Variants in SUGCT observed in about 807,000 individuals in gnomAD.
SUGCT encodes the protein succinyl-CoA:glutarate-CoA transferase.
Under a neutral mutation model 55.0 loss-of-function variants are expected in SUGCT, and 41 were observed. The ratio of observed to expected loss-of-function variants is 0.74; its 90% CI spans 0.58 to 0.97. The LOEUF (loss-of-function observed/expected upper bound fraction) is 0.97. SUGCT is among the 50% of genes least tolerant of loss of function. SUGCT has a pLI of 0.00. For synonymous variants in SUGCT, 187 were observed against 200.4 expected (o/e 0.93, Z 0.56); for missense variants, 568 against 547.8 (o/e 1.04, Z -0.37).
At chr7:41,005,137 G>A in the SUGCT span, among the ~76,000 whole-genome samples, 1 of 152,058 alleles carries the variant, frequency 6.6e-6, no homozygotes, top group Admixed American at 6.6e-5. Context: ...GAGTCATCTG[G>A]TGCCTAGAAT....
At chr7:40,598,644 T>G (rs1480498783) in intron 12 of SUGCT, among the ~76,000 whole-genome samples, 2 of 152,160 alleles carry the variant, frequency 1.3e-5, no homozygotes, top group African/African-American at 2.4e-5. Context: ...TGATGGGACA[T>G]CAACATCTGT....
At position 40,459,212 on chromosome 7, in the gene SUGCT, T is replaced by C. The variant is rs771222910; in HGVS notation, c.986+14T>C. The stretch of plus-strand genomic sequence containing the variant: ...ATTATCTGAACGGTAAGTTTGGATG[T>C]TGTATTCATCCATTTAAGAATTAAT... On this transcript the variant is annotated intron_variant, in intron 11 of 13. Coordinates refer to ENST00000335693, the MANE Select transcript of SUGCT (RefSeq NM_001193313.2). 2 of 1,474,762 alleles carry C rather than the reference T, an allele frequency of 1.4e-6. No homozygotes were observed. Among genetic ancestry groups the C allele is most frequent in the South Asian group, 1.2e-5 (1 of 86,170 alleles). 91.4% of individuals were successfully genotyped at this position (1,474,762 alleles called of 1,614,324 possible).
At chr7:40,279,352 G>A (rs1006023215) in intron 8 of SUGCT, among the ~76,000 whole-genome samples, 4 of 152,112 alleles carry the variant, frequency 2.6e-5, no homozygotes, top group African/African-American at 7.2e-5. Flanking sequence ...TGGTACTAGC[G>A]ATGGGGTTAA....
chr7:40,401,743 G>A (rs1786081682), intron 9 of SUGCT, among the ~76,000 whole-genome samples: 1 of 152,184 alleles, frequency 6.6e-6, no homozygotes. Context: ...TAGAAGGGAA[G>A]TTTACATAAG....
the SUGCT span, among the ~76,000 whole-genome samples, chr7:41,029,515 G>T: frequency 6.6e-6 from 1 of 152,038 alleles, no homozygotes; most frequent in Non-Finnish European, 1.5e-5. Context: ...TGTCTCCCAG[G>T]CCCACTGCTA....
intron 11 of SUGCT, among the ~76,000 whole-genome samples, chr7:40,463,733 G>A (rs964407945): frequency 5.9e-5 from 9 of 152,140 alleles, no homozygotes; most frequent in African/African-American, 2.2e-4. Context: ...CCCAACCAGG[G>A]CTGTGAGCAA....
At chr7:40,632,064 TC>T (rs1799813508) in intron 12 of SUGCT, among the ~76,000 whole-genome samples, 1 of 152,314 alleles carries the variant, frequency 6.6e-6, no homozygotes, top group South Asian at 2.1e-4. Flanking sequence ...GGATCTCATT[TC>T]CCACAAGATC....
intron 12 of SUGCT, among the ~76,000 whole-genome samples, chr7:40,532,658 T>A (rs2151598212): frequency 6.6e-6 from 1 of 151,940 alleles, no homozygotes; most frequent in South Asian, 2.1e-4. Flanking sequence ...AAGCAAAAAT[T>A]TTTAGACATT....
At position 40,860,398 on chromosome 7, in the gene SUGCT, G is replaced by A. The variant is rs1377247766; in HGVS notation, c.1236G>A (p.Leu412=). 1 of 1,614,004 alleles carries A rather than the reference G, an allele frequency of 6.2e-7. No individual in the cohort carries two copies. Among genetic ancestry groups the A allele is most frequent in the Admixed American group, 1.7e-5 (1 of 60,030 alleles). Reference sequence around the variant, plus strand: ...TCGGGCAGCACACAACGCACATCCTGAAGGAGGTCCTGAGATACGATGACA... The same window carrying A: ...TCGGGCAGCACACAACGCACATCCTAAAGGAGGTCCTGAGATACGATGACA... ...PLLGQHTTHI[L]KEVLRYDDRA... Residue 412 remains leucine, a synonymous_variant, in exon 14 of 14, where the codon CTG becomes CTA. Transcript: ENST00000335693.
intron 12 of SUGCT, among the ~76,000 whole-genome samples, chr7:40,603,219 T>G (rs1798372004): frequency 6.6e-6 from 1 of 152,194 alleles, no homozygotes; most frequent in Non-Finnish European, 1.5e-5. Context: ...AGACTCTATA[T>G]TTACACTTGA....
intron 12 of SUGCT, among the ~76,000 whole-genome samples, chr7:40,624,772 AACAC>A (rs71791486): frequency 0.11 from 14,982 of 137,238 alleles, 907 homozygotes; most frequent in East Asian, 0.25. Context: ...TTTCTGTGCA[AACAC>A]ACACACACAC....
chr7:40,878,297 T>C, the SUGCT span, among the ~76,000 whole-genome samples: 1 of 152,234 alleles, frequency 6.6e-6, no homozygotes, highest in South Asian at 2.1e-4. Context: ...ATTTCTGTTT[T>C]CTCTGGTGTC....
chr7:40,953,552 T>C, the SUGCT span, among the ~76,000 whole-genome samples: 1 of 152,256 alleles, frequency 6.6e-6, no homozygotes, highest in Non-Finnish European at 1.5e-5. Flanking sequence ...TTTCAGTTTT[T>C]CTGCTCTGTT....
At chr7:40,331,169 C>T (rs761650594) in intron 9 of SUGCT, among the ~76,000 whole-genome samples, 6 of 152,138 alleles carry the variant, frequency 3.9e-5, no homozygotes, top group African/African-American at 1.2e-4. Flanking sequence ...TTGGGGGCTG[C>T]GGGTTGGACA....
intron 9 of SUGCT, among the ~76,000 whole-genome samples, chr7:40,389,442 AAAAC>A (rs67574547): frequency 0.33 from 35,333 of 107,212 alleles, 4,905 homozygotes; most frequent in Non-Finnish European, 0.45. Flanking sequence ...CGCCTGTCTC[AAAAC>A]AAACAAACAA....
chr7:40,859,528 A>G (rs1387764876), intron 13 of SUGCT, among the ~76,000 whole-genome samples: 2 of 152,210 alleles, frequency 1.3e-5, no homozygotes, highest in Non-Finnish European at 2.9e-5. Context: ...TTCCCCTTAC[A>G]CTATAAGCTT....
At chr7:40,192,892 C>G (rs1384964272) in intron 5 of SUGCT, among the ~76,000 whole-genome samples, 1 of 151,636 alleles carries the variant, frequency 6.6e-6, no homozygotes, top group Non-Finnish European at 1.5e-5. Context: ...CTCAGCCTCC[C>G]AAAGAGCTGG....
chr7:40,391,285 G>A (rs1163149768), intron 9 of SUGCT, among the ~76,000 whole-genome samples: 1 of 152,128 alleles, frequency 6.6e-6, no homozygotes, highest in African/African-American at 2.4e-5. Flanking sequence ...TGACAAATGG[G>A]ATCTAATTAA....
At chr7:40,250,984 C>T (rs1172465332) in intron 7 of SUGCT, among the ~76,000 whole-genome samples, 1 of 150,618 alleles carries the variant, frequency 6.6e-6, no homozygotes, top group Non-Finnish European at 1.5e-5. Context: ...TTACAGGCCC[C>T]TGCCACTGCG....
Sources: gnomAD v4.1 joint callset for allele counts (sites outside exome capture counted in the v4.1 genomes callset) on GRCh38, gnomAD v4.1.1 for gene constraint, MANE v1.5 for transcripts, NCBI Gene and HGNC (gene_info 2026-07-23, HGNC 2026-07-21) for gene names.